The following PCARE variants were observed in gnomAD, a reference collection of about 807,000 sequenced individuals.
PCARE encodes the protein photoreceptor cilium actin regulator.
Under a neutral mutation model 82.2 loss-of-function variants are expected in PCARE, and 72 were observed. The ratio of observed to expected loss-of-function variants is 0.88; its 90% confidence interval spans 0.72 to 1.07. The LOEUF is 1.07. Ranked by LOEUF, PCARE falls within the 50% of genes least tolerant of loss-of-function variation. The probability of loss-of-function intolerance (pLI) is 0.00; values close to 1 mark genes in which losing one functional copy is unlikely to be tolerated. For missense variants in PCARE, 1,768 were observed against 1,592.4 expected (o/e 1.11, Z -1.88); for synonymous variants, 705 against 634.8 (o/e 1.11, Z -1.66).
chr2:29,067,077 C>CT (rs369478509), intron 1 of PCARE, among the ~76,000 whole-genome samples: 83 of 33,444 alleles, frequency 2.5e-3, no homozygotes, highest in African/African-American at 8.7e-3. Flanking sequence ...GGGCTTCTGC[C>CT]TGCACGGAGT....
rs1427158853 is a variant in PCARE at position 29,071,278 on chromosome 2, G to A, written c.2984C>T (p.Ser995Phe). 1 of 1,613,442 alleles carries A rather than the reference G, an allele frequency of 6.2e-7. No individual in the cohort carries two copies. Among genetic ancestry groups the A allele is most frequent in the African/African-American group, 1.3e-5 (1 of 74,924 alleles). ...AGGCACCCAGTGTGTCCTCGTGGGA[G>A]AGGCCTTTCTGCCCACAGGGGGGCT... ...ERSPPVGRKA[S>F]PTRTHWVPQA... The change falls in exon 1 of 2, where the codon TCT becomes TTT. Residue 995 changes from serine to phenylalanine, a missense_variant. Coordinates refer to ENST00000331664, the MANE Select transcript of PCARE (RefSeq NM_001029883.3).
intron 1 of PCARE, among the ~76,000 whole-genome samples, chr2:29,067,340 AG>A (rs1160953844): frequency 2.6e-5 from 4 of 152,206 alleles, no homozygotes; most frequent in Non-Finnish European, 5.9e-5. Flanking sequence ...TGCTTACAGC[AG>A]GTGCACTTCT....
rs369823170 is a variant in PCARE at position 29,072,034 on chromosome 2, C to A, written c.2228G>T (p.Ser743Ile). The A allele has an allele frequency of 1.9e-6, 3 of 1,614,092 alleles. No individual in the cohort carries two copies. The highest frequency in any genetic ancestry group is 2.5e-6 in the Non-Finnish European group (3 of 1,180,028). The change falls in exon 1 of 2, where the codon AGT (serine) becomes ATT (isoleucine). Residue 743 changes from serine to isoleucine, a missense_variant. By Grantham distance (142) the Ser-to-Ile change is moderately radical (BLOSUM62 -2). Transcript: ENST00000331664. Reference protein sequence around the residue: ...KLIETFSPTESLRMLGDSKDA... With the variant: ...KLIETFSPTEILRMLGDSKDA... ...CTTAGAGTCCCCCAGCATCCTCAGA[C>A]TCTCCGTGGGACTGAAAGTTTCAAT...
chr2:29,072,247 T>C lies in PCARE; in HGVS notation c.2015A>G (p.Lys672Arg). 6.2e-7 allele frequency: 1 copy of C among 1,614,246 alleles called. No individual in the cohort carries two copies. The highest frequency in any genetic ancestry group is 8.5e-7 in the Non-Finnish European group (1 of 1,180,044). Residue 672 changes from lysine to arginine, a missense_variant, in exon 1 of 2, where the codon AAG (lysine) becomes AGG (arginine). Physicochemically the swap from Lys to Arg is conservative, Grantham distance 26 (BLOSUM62 2). Coordinates refer to ENST00000331664, the MANE Select transcript of PCARE (RefSeq NM_001029883.3). ...TTSRLKASLT[K>R]NFSILPSQDK... ...CTGACTAGGCAAAATACTGAAGTTC[T>C]TGGTGAGGGATGCCTTGAGCCTGCT... is the stretch of plus-strand genomic sequence containing the variant.
Position 29,074,033 on chromosome 2 carries a change from G to C in PCARE, c.229C>G (p.Leu77Val), listed in dbSNP as rs553704688. 5.6e-6 allele frequency: 9 copies of C among 1,614,190 alleles called. No individual in the cohort carries two copies. In the South Asian group the frequency reaches 8.8e-5, roughly 16 times the overall value. The change falls in exon 1 of 2, where the codon CTC (leucine) becomes GTC (valine). Residue 77 changes from leucine (L) to valine (V), a missense_variant. Transcript: ENST00000331664. ...NQTTAKGLCQ[L>V]MGDPASGKRK... ...TTGCCTGAAGCAGGATCTCCCATGA[G>C]CTGACAAAGACCTTTAGCTGTGGTT...
rs2148415674 is a variant in PCARE, at chr2:29,071,903, A to C, written c.2359T>G (p.Ser787Ala). The part of the protein sequence containing the change: ...LYPKPQISPA[S>A]GRESLKMGIG... ...CCCATTTTGAGAGATTCTCTGCCTG[A>C]TGCTGGAGAAATTTGGGGCTTCGGA... Residue 787 changes from serine (S) to alanine (A), a missense_variant, in exon 1 of 2, where the codon TCA becomes GCA. By Grantham distance (99) the Ser-to-Ala change is moderately conservative. Coordinates refer to ENST00000331664, the MANE Select transcript of PCARE (RefSeq NM_001029883.3). The C allele has an allele frequency of 6.2e-7, 1 of 1,614,194 alleles. No homozygotes were observed. The highest frequency in any genetic ancestry group is 1.1e-5 in the South Asian group (1 of 91,082).
chr2:29,068,940 G>A (rs1667431437), intron 1 of PCARE, among the ~76,000 whole-genome samples: 2 of 152,102 alleles, frequency 1.3e-5, no homozygotes, highest in African/African-American at 2.4e-5. Flanking sequence ...TGTAGTCTGG[G>A]GGCCCCTGGT....
chr2:29,065,126 C>T, intron 1 of PCARE, 59 bp from the exon 2 acceptor site: 1 of 1,514,828 alleles, frequency 6.6e-7, no homozygotes. Flanking sequence ...TCCTTCCTGC[C>T]CCACCCCTGT....
chr2:29,064,749 T>C lies in PCARE; in HGVS notation c.*120A>G. The stretch of plus-strand genomic sequence containing the variant: ...CACTGGGCAGTGCACCTTCCAGGCC[T>C]TTCCAGGACACCTCAGTAGGAGTTT... On this transcript the variant is annotated 3_prime_UTR_variant, in exon 2 of 2. Transcript: ENST00000331664. The C allele has an allele frequency of 7.3e-7, 1 of 1,373,198 alleles. No individual in the cohort carries two copies. The highest frequency in any genetic ancestry group is 1.0e-6 in the Non-Finnish European group (1 of 992,922). 85.1% of individuals were successfully genotyped at this position (1,373,198 alleles called of 1,614,324 possible).
chr2:29,065,190 C>G (rs1289229218), intron 1 of PCARE, 123 bp from the exon 2 acceptor site: 22 of 1,190,530 alleles, frequency 1.8e-5, no homozygotes, highest in Admixed American at 5.9e-5. Flanking sequence ...GCCTGTTCAC[C>G]CTGGGTGCCA....
intron 1 of PCARE, among the ~76,000 whole-genome samples, chr2:29,069,418 CA>C (rs1161580652): frequency 6.6e-6 from 1 of 152,146 alleles, no homozygotes; most frequent in Non-Finnish European, 1.5e-5. Context: ...AGCTAGAGGC[CA>C]TTAATTATCC....
rs756174114 is a variant in PCARE, at chr2:29,072,748, C to T, written c.1514G>A (p.Trp505Ter). The T allele has an allele frequency of 2.5e-6, 4 of 1,613,986 alleles. No homozygotes were observed. The African/African-American group carries it at 4.0e-5, about 16-fold the overall frequency. Residue 505 changes from tryptophan to a stop codon, truncating the protein, a stop_gained, in exon 1 of 2, where the codon TGG becomes TAG. Transcript: ENST00000331664. LOFTEE classifies it high-confidence loss of function. ...DKMSSMSLCAWQEKTPHSRPQ... is the reference protein window; with the variant it reads ...DKMSSMSLCA ...CCTTGAATGTGGAGTTTTTTCCTGCCAGGCACACAGACTCATGCTGCTCAT... is the reference window on the plus strand; with the variant it reads ...CCTTGAATGTGGAGTTTTTTCCTGCTAGGCACACAGACTCATGCTGCTCAT...
At chr2:29,066,303 C>G (rs1667388084) in intron 1 of PCARE, among the ~76,000 whole-genome samples, 1 of 152,130 alleles carries the variant, frequency 6.6e-6, no homozygotes, top group Admixed American at 6.5e-5. Context: ...CACTATGGAG[C>G]TGCATTGTTG....
Position 29,072,443 on chromosome 2 carries a change from G to A in PCARE, c.1819C>T (p.Pro607Ser). 2 of 1,614,180 alleles carry A rather than the reference G, an allele frequency of 1.2e-6. No homozygotes were observed. The highest frequency in any genetic ancestry group is 1.3e-5 in the African/African-American group (1 of 75,058). The change falls in exon 1 of 2, where the codon CCC (proline) becomes TCC (serine). Residue 607 changes from proline to serine, a missense_variant. Pro to Ser is a moderately conservative substitution (Grantham distance 74). Coordinates refer to ENST00000331664, the MANE Select transcript of PCARE (RefSeq NM_001029883.3). ...ESCLQSHVED[P>S]TFQELRRVQR... is the part of the protein sequence containing the mutation. ...ACCCTTCGCAGCTCCTGAAAGGTGG[G>A]GTCCTCCACGTGACTCTGGAGACAC...
Position 29,072,520 on chromosome 2 carries a change from A to G in PCARE, c.1742T>C (p.Val581Ala), listed in dbSNP as rs1395307833. 2 of 1,614,036 alleles carry G rather than the reference A, an allele frequency of 1.2e-6. No individual in the cohort carries two copies. The highest frequency in any genetic ancestry group is 2.2e-5 in the South Asian group (2 of 91,060). ...RTVVPPRPST[V>A]SGSRRAPERQ... ...CTCAGGGGCCCTCCTGCTGCCACTT[A>G]CCGTGCTAGGTCTTGGGGGGACCAC... Residue 581 changes from valine (V) to alanine (A), a missense_variant, in exon 1 of 2, where the codon GTA becomes GCA. Coordinates refer to ENST00000331664, the MANE Select transcript of PCARE (RefSeq NM_001029883.3).
chr2:29,070,149 G>A (rs963700879), intron 1 of PCARE, among the ~76,000 whole-genome samples: 1 of 152,064 alleles, frequency 6.6e-6, no homozygotes, highest in Non-Finnish European at 1.5e-5. Context: ...TGTGCAGAAC[G>A]TGCAGGTTTG....
chr2:29,072,025 A>G lies in PCARE; in HGVS notation c.2237T>C (p.Met746Thr). Reference protein sequence around the residue: ...ETFSPTESLRMLGDSKDAGAS... With the variant: ...ETFSPTESLRTLGDSKDAGAS... ...CCCAGCGTCCTTAGAGTCCCCCAGC[A>G]TCCTCAGACTCTCCGTGGGACTGAA... is the stretch of plus-strand genomic sequence containing the variant. The change falls in exon 1 of 2, where the codon ATG becomes ACG. Residue 746 changes from methionine to threonine, a missense_variant. Coordinates refer to ENST00000331664, the MANE Select transcript of PCARE (RefSeq NM_001029883.3). The G allele has an allele frequency of 1.9e-6, 3 of 1,614,086 alleles. No homozygotes were observed. Among genetic ancestry groups the G allele is most frequent in the Non-Finnish European group, 2.5e-6 (3 of 1,179,984 alleles).
chr2:29,069,527 CCT>C (rs1667439342), intron 1 of PCARE, among the ~76,000 whole-genome samples: 1 of 152,048 alleles, frequency 6.6e-6, no homozygotes, highest in African/African-American at 2.4e-5. Flanking sequence ...GACACTGGGG[CCT>C]CCTTGAGGGT....
rs1667362492 is a variant in PCARE at position 29,064,536 on chromosome 2, C to A, written c.*333G>T. 2.1e-6 allele frequency: 1 copy of A among 474,842 alleles called. No homozygotes were observed. The allele number at this position is 474,842 out of a possible 1,614,324, so 29.4% of individuals were successfully genotyped here. A position where few individuals can be genotyped will look rare whatever the true frequency, so the allele number is the denominator to read the frequency against. On this transcript the variant is annotated 3_prime_UTR_variant, in exon 2 of 2. Coordinates refer to ENST00000331664, the MANE Select transcript of PCARE (RefSeq NM_001029883.3). ...GGCTTAAGTGATCTCAAGGAATGAA[C>A]CCAGTTAAAACCCTATCAAGCATGC...
Sources: allele counts gnomAD v4.1 joint callset (sites outside exome capture counted in the v4.1 genomes callset), GRCh38; gene constraint gnomAD v4.1.1; transcripts MANE v1.5; gene names NCBI Gene and HGNC (gene_info 2026-07-23, HGNC 2026-07-21).